COL17A1: variants seen among roughly 807,000 people sequenced by gnomAD.
COL17A1 encodes the protein collagen alpha-1(XVII) chain.
A neutral mutation model predicts 218.4 loss-of-function variants in COL17A1; 181 were observed. The observed-to-expected ratio is 0.83, with a 90% confidence interval of 0.73 to 0.94. The LOEUF is 0.94. Ranked by LOEUF, COL17A1 falls within the 40% of genes least tolerant of loss-of-function variation. The pLI, the probability that COL17A1 is intolerant of heterozygous loss-of-function variation, is 0.00. For synonymous variants in COL17A1, 721 were observed against 731.0 expected (o/e 0.99, Z 0.22); for missense variants, 1,924 against 1,945.9 (o/e 0.99, Z 0.21).
Position 104,037,042 on chromosome 10 carries a change from C to T in COL17A1, c.3277+3G>A, listed in dbSNP as rs757250244. 14 of 1,603,422 alleles carry T rather than the reference C, an allele frequency of 8.7e-6. No homozygotes were observed. Among genetic ancestry groups the T allele is most frequent in the Non-Finnish European group, 1.2e-5 (14 of 1,175,902 alleles). On this transcript the variant is annotated splice_donor_region_variant and intron_variant, in intron 47 of 55. Transcript: ENST00000648076. ...ACCCTCGATCCCCCCACAGGTGACT[C>T]ACGCTGCAGCACAGCCAGAATGTCT...
chr10:104,048,190 A>C, intron 29 of COL17A1, 86 bp from the exon 30 acceptor site: 2 of 1,467,022 alleles, frequency 1.4e-6, no homozygotes. Flanking sequence ...GCCTTGAAGC[A>C]CATTGTGTCC....
chr10:104,083,244 C>T (rs967756010), intron 1 of COL17A1, among the ~76,000 whole-genome samples: 6 of 152,162 alleles, frequency 3.9e-5, no homozygotes, highest in Admixed American at 1.3e-4. Flanking sequence ...AAAAGTGTAA[C>T]GTTAGGAAAA....
intron 9 of COL17A1, among the ~76,000 whole-genome samples, chr10:104,065,315 G>A (rs1350133845): frequency 6.6e-6 from 1 of 152,166 alleles, no homozygotes; most frequent in Non-Finnish European, 1.5e-5. Context: ...AGTAGTGAAT[G>A]GGAGGGATGT....
At chr10:104,051,908 G>A (rs921127432) in intron 24 of COL17A1, among the ~76,000 whole-genome samples, 9 of 152,238 alleles carry the variant, frequency 5.9e-5, no homozygotes, top group Middle Eastern at 3.4e-3. Context: ...ATCACATAAC[G>A]GGGCCATTGA....
rs116445823 is a variant in COL17A1 at position 104,068,623 on chromosome 10, A to G, written c.607+1803T>C. Among the ~76,000 whole-genome samples, 657 of 152,352 alleles carry G rather than the reference A, an allele frequency of 4.3e-3. 3 individuals carry two copies. Among genetic ancestry groups the G allele is most frequent in the African/African-American group, 0.015 (611 of 41,576 alleles). On this transcript the variant is annotated intron_variant, in intron 9 of 55. Transcript: ENST00000648076. ...CACACCTTTAAAAAGATCTGGACAG[A>G]GCGGGGCCTAATAAATAGCAGGGAG...
chr10:104,059,755 T>G, intron 14 of COL17A1, 37 bp from the exon 15 acceptor site: 6 of 1,592,806 alleles, frequency 3.8e-6, no homozygotes, highest in Non-Finnish European at 4.3e-6. Flanking sequence ...GCATATTCTC[T>G]TCTCAACCTC....
chr10:104,041,033 A>G, intron 39 of COL17A1, 32 bp downstream of exon 39: 1 of 1,613,718 alleles, frequency 6.2e-7, no homozygotes, highest in Non-Finnish European at 8.5e-7. Context: ...GCTGAGGTGG[A>G]GAACAGGTGC....
At chr10:104,036,767 C>A in intron 47 of COL17A1, 135 bp from the exon 48 acceptor site, 2 of 1,131,950 alleles carry the variant, frequency 1.8e-6, no homozygotes, top group Non-Finnish European at 2.6e-6. Context: ...CGCAGGACCA[C>A]GGTGTTCAGG....
chr10:104,038,231 TACACACACACACAC>T lies in COL17A1; in HGVS notation c.3070+161_3070+174del, dbSNP rs59808906. On this transcript the variant is annotated intron_variant, in intron 45 of 55. Coordinates refer to ENST00000648076, the MANE Select transcript of COL17A1 (RefSeq NM_000494.4). ...CTGGGCCTGGACACATAGACACACATACACACACACACACACACACACACACACACACACACACA... is the reference window on the plus strand; with the variant it reads ...CTGGGCCTGGACACATAGACACACATACACACACACACACACACACACACA... 4.9e-3 allele frequency among the ~76,000 whole-genome samples: 699 copies of T among 142,094 alleles called. 3 individuals carry two copies. Among genetic ancestry groups the T allele is most frequent in the African/African-American group, 0.014 (544 of 38,076 alleles). The allele number at this position is 142,094 out of a possible 152,430, so 93.2% of individuals were successfully genotyped here.
At chr10:104,052,631 C>T (rs2086480936) in intron 23 of COL17A1, among the ~76,000 whole-genome samples, 1 of 152,108 alleles carries the variant, frequency 6.6e-6, no homozygotes, top group African/African-American at 2.4e-5. Context: ...CTGGGGCCTT[C>T]CCCACCTCCC....
intron 50 of COL17A1, 130 bp downstream of exon 50, chr10:104,035,133 T>G: frequency 1.2e-6 from 1 of 831,792 alleles, no homozygotes. Context: ...CATGTGGCGC[T>G]CTCCAGGGCC....
At chr10:104,035,206 GC>G (rs1564670417) in intron 50 of COL17A1, 56 bp downstream of exon 50, 50 of 1,435,946 alleles carry the variant, frequency 3.5e-5, no homozygotes, top group Non-Finnish European at 4.6e-5. Context: ...GCCCATGGGA[GC>G]CCCCAAGGCC....
At chr10:104,067,978 G>A (rs2086641098) in intron 9 of COL17A1, among the ~76,000 whole-genome samples, 1 of 152,012 alleles carries the variant, frequency 6.6e-6, no homozygotes, top group African/African-American at 2.4e-5. Flanking sequence ...GAGAGAGACA[G>A]GGAAAGAGAG....
rs375929436 is a variant in COL17A1, at chr10:104,060,173, T to C, written c.1087A>G (p.Met363Val). 1.4e-5 allele frequency: 22 copies of C among 1,614,058 alleles called. No homozygotes were observed. Among genetic ancestry groups the C allele is most frequent in the Non-Finnish European group, 1.8e-5 (21 of 1,180,018 alleles). ...AAGACCTTCCCGCTGTCCTTGGTCATGATGAGCAGCTCCATCTCCTTCTTG... is the reference window on the plus strand; with the variant it reads ...AAGACCTTCCCGCTGTCCTTGGTCACGATGAGCAGCTCCATCTCCTTCTTG... ...PAKKEMELLI[M>V]TKDSGKVFTA... Residue 363 changes from methionine (M) to valine (V), a missense_variant, in exon 14 of 56, where the codon ATG (methionine) becomes GTG (valine). Coordinates refer to ENST00000648076, the MANE Select transcript of COL17A1 (RefSeq NM_000494.4).
At chr10:104,036,145 G>GGA (rs1164210068) in intron 48 of COL17A1, among the ~76,000 whole-genome samples, 9 of 348 alleles carry the variant, frequency 0.026, 3 homozygotes, top group South Asian at 0.11. Flanking sequence ...TGTGTGTATG[G>GGA]GTGTATGGGA....
At chr10:104,047,108 T>G (rs771389237) in intron 31 of COL17A1, among the ~76,000 whole-genome samples, 1 of 152,186 alleles carries the variant, frequency 6.6e-6, no homozygotes, top group East Asian at 1.9e-4. Flanking sequence ...TCCCCCTCTA[T>G]GGCTCCTGTC....
intron 1 of COL17A1, among the ~76,000 whole-genome samples, chr10:104,082,366 TG>T (rs2086772536): frequency 6.6e-6 from 1 of 152,204 alleles, no homozygotes; most frequent in South Asian, 2.1e-4. Flanking sequence ...TGGACACCTT[TG>T]CAATCCTTTG....
intron 16 of COL17A1, 43 bp downstream of exon 16, chr10:104,058,103 C>T (rs759107124): frequency 8.1e-6 from 13 of 1,613,204 alleles, no homozygotes; most frequent in Middle Eastern, 1.7e-4. Flanking sequence ...CATAAGCAGC[C>T]CCACTGGATC....
chr10:104,077,519 C>T lies in COL17A1; in HGVS notation c.105G>A (p.Gly35=), dbSNP rs139971451. Residue 35 remains glycine, a synonymous_variant, in exon 4 of 56, where the codon GGG becomes GGA. Transcript: ENST00000648076. ...TRLTSLPPKG[G]TSNGYAKTAS... ...CTGTTTTAGCATAGCCATTGCTGGT[C>T]CCGCCTTCTGCCAGGAACAAAAGCA... is the stretch of plus-strand genomic sequence containing the variant. 6.2e-7 allele frequency: 1 copy of T among 1,611,142 alleles called. No individual in the cohort carries two copies. Among genetic ancestry groups the T allele is most frequent in the African/African-American group, 1.3e-5 (1 of 74,848 alleles).
Sources: gnomAD v4.1 joint callset for allele counts (sites outside exome capture counted in the v4.1 genomes callset) on GRCh38, gnomAD v4.1.1 for gene constraint, MANE v1.5 for transcripts, NCBI Gene and HGNC (gene_info 2026-07-23, HGNC 2026-07-21) for gene names.